The following BRME1 variants were observed in gnomAD, a reference collection of about 807,000 sequenced individuals.
The protein encoded by BRME1 is BRCA2 and MEILB2-associating protein 1.
In BRME1, 31 loss-of-function variants were observed where a neutral mutation model predicts 52.6. The ratio of observed to expected loss-of-function variants is 0.59; its 90% confidence interval spans 0.44 to 0.80. BRME1 has a LOEUF of 0.80. Ranked by LOEUF, BRME1 falls within the 30% of genes least tolerant of loss-of-function variation. The pLI is 0.00. For missense variants in BRME1, 804 were observed against 860.3 expected (o/e 0.93, Z 0.82); for synonymous variants, 359 against 353.6 (o/e 1.02, Z -0.17).
At chr19:13,886,458 GGTGAA>G (rs1269266876) in intron 6 of BRME1, among the ~76,000 whole-genome samples, 1 of 152,218 alleles carries the variant, frequency 6.6e-6, no homozygotes, top group Non-Finnish European at 1.5e-5. Flanking sequence ...GGGCAACTGC[GGTGAA>G]GTGGAGTCGT....
At chr19:13,896,757 T>C (rs181107560) in intron 2 of BRME1, among the ~76,000 whole-genome samples, 9 of 151,766 alleles carry the variant, frequency 5.9e-5, no homozygotes, top group Admixed American at 2.0e-4. Context: ...GTGGTGCAAC[T>C]GTGGATCACT....
At chr19:13,904,563 T>TC (rs1970529264) in intron 2 of BRME1, among the ~76,000 whole-genome samples, 1 of 152,060 alleles carries the variant, frequency 6.6e-6, no homozygotes, top group South Asian at 2.1e-4. Context: ...TGCCTCAGTC[T>TC]CCCGAGTAGG....
At chr19:13,897,062 CAG>C in intron 2 of BRME1, among the ~76,000 whole-genome samples, 1 of 136,346 alleles carries the variant, frequency 7.3e-6, no homozygotes, top group Non-Finnish European at 1.5e-5. Flanking sequence ...TTTTTTGAGA[CAG>C]AGTCTCGCTC....
In BRME1 at chr19:13,886,002, A is replaced by G; in HGVS notation, c.1722T>C (p.His574=). 1 of 1,614,054 alleles carries G rather than the reference A, an allele frequency of 6.2e-7. No individual in the cohort carries two copies. Among genetic ancestry groups the G allele is most frequent in the African/African-American group, 1.3e-5 (1 of 75,064 alleles). Reference sequence around the variant, plus strand: ...CCACTGCAACAGGGTCTCCATTGGCATGTGAGCTGGGGCCCGGCCAGCAAG... The same window carrying G: ...CCACTGCAACAGGGTCTCCATTGGCGTGTGAGCTGGGGCCCGGCCAGCAAG... ...PGPCWPGPSS[H]ANGDPVAVAK... is the part of the protein sequence containing the mutation. The change falls in exon 7 of 9, where the codon CAT becomes CAC. Residue 574 remains histidine (H), a synonymous_variant. Transcript: ENST00000586783.
chr19:13,885,761 A>G (rs1479280686), intron 7 of BRME1, among the ~76,000 whole-genome samples, 200 bp downstream of exon 7: 1 of 152,162 alleles, frequency 6.6e-6, no homozygotes, highest in Non-Finnish European at 1.5e-5. Context: ...GGTGTCGATC[A>G]CTGGTCACTG....
intron 6 of BRME1, among the ~76,000 whole-genome samples, chr19:13,887,687 T>G (rs1402084551): frequency 2.6e-5 from 4 of 152,138 alleles, no homozygotes; most frequent in Non-Finnish European, 5.9e-5. Context: ...TCTCATAAAA[T>G]TTCAGCTGTG....
chr19:13,904,978 T>C lies in BRME1; in HGVS notation c.-21-65A>G. 1.4e-6 allele frequency: 2 copies of C among 1,397,056 alleles called. 1 individual carries two copies. Among genetic ancestry groups the C allele is most frequent in the South Asian group, 2.3e-5 (2 of 86,248 alleles). 86.5% of individuals were successfully genotyped at this position (1,397,056 alleles called of 1,614,324 possible). A position where few individuals can be genotyped will look rare whatever the true frequency, so the allele number is the denominator to read the frequency against. ...CTGTCTCTGTTTATATCCAGTGGCT[T>C]TGGCTGAGAGCAGAGGTTACCCCTA... On this transcript the variant is annotated intron_variant, in intron 1 of 8. Coordinates refer to ENST00000586783, the MANE Select transcript of BRME1 (RefSeq NM_001345843.2).
intron 5 of BRME1, among the ~76,000 whole-genome samples, chr19:13,892,456 A>G (rs1969571559): frequency 6.6e-6 from 1 of 151,856 alleles, no homozygotes. Context: ...CGCGGTGGGC[A>G]GGCGTCTGTT....
chr19:13,892,937 A>G, intron 4 of BRME1, 47 bp from the exon 5 acceptor site: 1 of 1,573,042 alleles, frequency 6.4e-7, no homozygotes, highest in Non-Finnish European at 8.7e-7. Context: ...ATAAGAGAGG[A>G]ATGAGGTCTT....
Position 13,891,135 on chromosome 19 carries a change from TTTATTATTA to T in BRME1, c.394-682_394-674del, listed in dbSNP as rs148642817. Among the ~76,000 whole-genome samples, 34 of 146,668 alleles carry T rather than the reference TTTATTATTA, an allele frequency of 2.3e-4. No homozygotes were observed. In the Middle Eastern group the frequency reaches 0.011, roughly 47 times the overall value. On this transcript the variant is annotated intron_variant, in intron 5 of 8. Coordinates refer to ENST00000586783, the MANE Select transcript of BRME1 (RefSeq NM_001345843.2). ...AGACCACACCAATGTCAATTTCCTG[TTTATTATTA>T]TTATTATTATTATTATTATTATTAG...
At chr19:13,904,401 C>T (rs1480455611) in intron 2 of BRME1, among the ~76,000 whole-genome samples, 3 of 152,090 alleles carry the variant, frequency 2.0e-5, no homozygotes, top group South Asian at 4.2e-4. Flanking sequence ...GCCACCACAC[C>T]GGCCTTCTAT....
In BRME1 at chr19:13,882,690, C is replaced by A; in HGVS notation, c.*112G>T. 7.0e-7 allele frequency: 1 copy of A among 1,425,562 alleles called. No homozygotes were observed. The highest frequency in any genetic ancestry group is 9.6e-7 in the Non-Finnish European group (1 of 1,039,396). 88.3% of individuals were successfully genotyped at this position (1,425,562 alleles called of 1,614,324 possible). A position where few individuals can be genotyped will look rare whatever the true frequency, so the allele number is the denominator to read the frequency against. ...GTGTTGTCCATGGAAGACCAACTTC[C>A]GGGCAACTGAAGGGAGGTTTGTAGG... On this transcript the variant is annotated 3_prime_UTR_variant, in exon 9 of 9. Transcript: ENST00000586783.
chr19:13,899,532 C>T (rs540770096), intron 2 of BRME1, among the ~76,000 whole-genome samples: 3 of 152,092 alleles, frequency 2.0e-5, no homozygotes, highest in Non-Finnish European at 4.4e-5. Context: ...GCTTAGCTCT[C>T]GCTGAGAGAA....
At chr19:13,896,994 C>T (rs897556548) in intron 2 of BRME1, among the ~76,000 whole-genome samples, 6 of 150,050 alleles carry the variant, frequency 4.0e-5, no homozygotes, top group Non-Finnish European at 7.4e-5. Flanking sequence ...CACTTTGCCT[C>T]GCCAGAATCT....
At chr19:13,898,364 C>T (rs1232295772) in intron 2 of BRME1, among the ~76,000 whole-genome samples, 1 of 152,164 alleles carries the variant, frequency 6.6e-6, no homozygotes. Flanking sequence ...CACCTGCAGT[C>T]CCAGCTACTC....
At position 13,892,876 on chromosome 19, in the gene BRME1, C is replaced by G. The variant is rs764397727; in HGVS notation, c.303G>C (p.Arg101Ser). Residue 101 changes from arginine to serine, a missense_variant, in exon 5 of 9, where the codon AGG (arginine) becomes AGC (serine). Around this residue, in one of 3 missense-constraint regions of BRME1, gnomAD observed 234 missense variants for 258.1 expected, o/e 0.91. Transcript: ENST00000586783. ...PLPPSQNSFG[R>S]FVPQFAKSRK... ...TGGATTTTGCAAACTGGGGAACAAA[C>G]CTCCCGAATGAGTTCTGTAAACCGG... 1 of 1,613,540 alleles carries G rather than the reference C, an allele frequency of 6.2e-7. No homozygotes were observed. Among genetic ancestry groups the G allele is most frequent in the Non-Finnish European group, 8.5e-7 (1 of 1,179,410 alleles).
At chr19:13,896,147 A>G (rs1969873583) in intron 2 of BRME1, among the ~76,000 whole-genome samples, 2 of 151,910 alleles carry the variant, frequency 1.3e-5, no homozygotes, top group Admixed American at 1.3e-4. Flanking sequence ...GCACCCACCT[A>G]TAGTCCCAGC....
intron 7 of BRME1, chr19:13,885,606 T>C: frequency 4.6e-6 from 1 of 219,176 alleles, no homozygotes; most frequent in South Asian, 7.4e-5. Flanking sequence ...CAGCCAACAG[T>C]TCTGAGCCCT....
intron 2 of BRME1, among the ~76,000 whole-genome samples, chr19:13,896,529 C>A (rs544852688): frequency 4.6e-4 from 67 of 145,218 alleles, no homozygotes; most frequent in Non-Finnish European, 4.8e-4. Context: ...CATTATATTG[C>A]CAGGTTGTTC....
Sources: gnomAD v4.1 joint callset for allele counts (sites outside exome capture counted in the v4.1 genomes callset) on GRCh38, gnomAD v4.1.1 for gene constraint, gnomAD v4.1.1 regional missense constraint, MANE v1.5 for transcripts, NCBI Gene and HGNC (gene_info 2026-07-23, HGNC 2026-07-21) for gene names.